Variants in NLGN1 observed in about 807,000 individuals in gnomAD.
The protein encoded by NLGN1 is neuroligin 1.
NLGN1 carries 12 observed loss-of-function variants against 65.5 expected under a neutral mutation model. That is an observed-to-expected ratio of 0.18 (90% CI 0.12 to 0.30). The LOEUF (loss-of-function observed/expected upper bound fraction) is 0.30, where lower values mean the gene tolerates loss of function less well. Ranked by LOEUF, NLGN1 falls within the 10% of genes least tolerant of loss-of-function variation. The probability of loss-of-function intolerance (pLI) is 1.00; values close to 1 mark genes in which losing one functional copy is unlikely to be tolerated. For synonymous variants in NLGN1, 350 were observed against 359.5 expected (o/e 0.97, Z 0.30); for missense variants, 750 against 1,007.1 (o/e 0.74, Z 3.46).
At chr3:174,224,647 C>T (rs1577439986) in intron 4 of NLGN1, among the ~76,000 whole-genome samples, 1 of 152,072 alleles carries the variant, frequency 6.6e-6, no homozygotes, top group African/African-American at 2.4e-5. Context: ...TGCAGTGAGC[C>T]GAGATTGTGC....
intron 4 of NLGN1, among the ~76,000 whole-genome samples, chr3:174,134,763 A>T (rs1720898541): frequency 6.6e-6 from 1 of 152,206 alleles, no homozygotes; most frequent in Admixed American, 6.6e-5. Context: ...TAAGGACTGG[A>T]TCAATTTCTC....
chr3:174,050,594 T>G (rs1017930507), intron 4 of NLGN1, among the ~76,000 whole-genome samples: 2 of 152,054 alleles, frequency 1.3e-5, no homozygotes, highest in African/African-American at 4.8e-5. Context: ...TTTTGACAAC[T>G]AATGCCGTGG....
intron 2 of NLGN1, among the ~76,000 whole-genome samples, chr3:173,549,938 A>G (rs949608335): frequency 4.6e-5 from 7 of 152,088 alleles, no homozygotes; most frequent in African/African-American, 1.7e-4. Flanking sequence ...CTTCTACTTC[A>G]GTGATGAATT....
chr3:173,428,442 T>A (rs1418177699), intron 1 of NLGN1, among the ~76,000 whole-genome samples: 2 of 151,982 alleles, frequency 1.3e-5, no homozygotes, highest in Non-Finnish European at 2.9e-5. Context: ...TTTTAACATA[T>A]CTGTATTTTT....
intron 4 of NLGN1, among the ~76,000 whole-genome samples, chr3:174,255,372 C>A (rs1179821466): frequency 1.4e-5 from 2 of 142,920 alleles, no homozygotes; most frequent in African/African-American, 5.3e-5. Context: ...GGAGGCGGAG[C>A]TTGCAGTGAG....
chr3:173,559,886 A>G (rs1308050229), intron 2 of NLGN1, among the ~76,000 whole-genome samples: 2 of 152,050 alleles, frequency 1.3e-5, no homozygotes, highest in Non-Finnish European at 2.9e-5. Flanking sequence ...TTAATGAAAA[A>G]CACTAATGTA....
chr3:174,257,380 A>C (rs1745991489), intron 4 of NLGN1, among the ~76,000 whole-genome samples: 1 of 152,210 alleles, frequency 6.6e-6, no homozygotes, highest in Admixed American at 6.5e-5. Context: ...CAGAAATACC[A>C]TGTGACCCAA....
In NLGN1 at chr3:174,128,551, G is replaced by A. The variant is rs1030968612; in HGVS notation, c.647-146764G>A. Among the ~76,000 whole-genome samples, 8 of 152,198 alleles carry A rather than the reference G, an allele frequency of 5.3e-5. No homozygotes were observed. The East Asian group carries it at 1.2e-3, about 22-fold the overall frequency. On this transcript the variant is annotated intron_variant, in intron 4 of 6. Transcript: ENST00000457714. Reference sequence around the variant, plus strand: ...TATCCAGTCTCTTTACTGCTGTTCTGATTGAATGGCGATTATTTACTGACC... The same window carrying A: ...TATCCAGTCTCTTTACTGCTGTTCTAATTGAATGGCGATTATTTACTGACC...
intron 4 of NLGN1, among the ~76,000 whole-genome samples, chr3:173,874,820 A>G (rs939991927): frequency 3.9e-5 from 6 of 152,132 alleles, no homozygotes; most frequent in Admixed American, 3.3e-4. Context: ...TCTATCTCTT[A>G]ATCATTTCTC....
chr3:174,099,750 A>G (rs1711964152), intron 4 of NLGN1, among the ~76,000 whole-genome samples: 1 of 152,226 alleles, frequency 6.6e-6, no homozygotes, highest in Non-Finnish European at 1.5e-5. Context: ...AAAGTTCAAA[A>G]GAATGCAGTA....
At chr3:173,832,126 TAAA>T (rs35612566) in intron 4 of NLGN1, among the ~76,000 whole-genome samples, 1,573 of 147,594 alleles carry the variant, frequency 0.011, 37 homozygotes, top group African/African-American at 0.037. Context: ...CCAGCTAAAT[TAAA>T]AAAAAAAAAA....
chr3:173,956,280 T>C (rs1482497561), intron 4 of NLGN1, among the ~76,000 whole-genome samples: 1 of 152,128 alleles, frequency 6.6e-6, no homozygotes, highest in Admixed American at 6.5e-5. Context: ...TACAATATTA[T>C]ATAACCAAAG....
chr3:173,722,369 A>T (rs557546981), intron 3 of NLGN1, among the ~76,000 whole-genome samples: 1 of 150,320 alleles, frequency 6.7e-6, no homozygotes, highest in South Asian at 2.1e-4. Flanking sequence ...CAGTCTCCAG[A>T]GTAGCTGGGA....
chr3:173,627,981 T>A (rs1755073975), intron 3 of NLGN1, among the ~76,000 whole-genome samples: 1 of 152,138 alleles, frequency 6.6e-6, no homozygotes, highest in South Asian at 2.1e-4. Flanking sequence ...ACTGAACTTC[T>A]CTCCTTTGTA....
intron 4 of NLGN1, among the ~76,000 whole-genome samples, chr3:174,234,848 A>C (rs1741379958): frequency 1.3e-5 from 2 of 152,184 alleles, no homozygotes; most frequent in South Asian, 2.1e-4. Flanking sequence ...AAAATTATAT[A>C]GTTTATAACC....
intron 4 of NLGN1, among the ~76,000 whole-genome samples, chr3:173,941,961 CT>C (rs1279985114): frequency 2.6e-5 from 4 of 151,816 alleles, no homozygotes; most frequent in Non-Finnish European, 5.9e-5. Context: ...TCCACAGATG[CT>C]ATGGGGCACT....
intron 3 of NLGN1, among the ~76,000 whole-genome samples, chr3:173,628,457 A>G (rs894475866): frequency 2.0e-5 from 3 of 152,190 alleles, no homozygotes; most frequent in African/African-American, 4.8e-5. Context: ...AAAGAAGTCA[A>G]TGTAAATATG....
At chr3:173,589,501 T>TTTTA (rs202152546) in intron 2 of NLGN1, among the ~76,000 whole-genome samples, 1,585 of 152,302 alleles carry the variant, frequency 0.01, 37 homozygotes, top group African/African-American at 0.036. Flanking sequence ...GCTTGCTTAC[T>TTTTA]TTTATTTATT....
At chr3:173,496,717 A>G (rs1391003008) in intron 2 of NLGN1, among the ~76,000 whole-genome samples, 1 of 152,046 alleles carries the variant, frequency 6.6e-6, no homozygotes, top group East Asian at 1.9e-4. Context: ...AGAATATAGA[A>G]AAATAGATGG....
Sources: allele counts gnomAD v4.1 joint callset (sites outside exome capture counted in the v4.1 genomes callset), GRCh38; gene constraint gnomAD v4.1.1; transcripts MANE v1.5; gene names NCBI Gene and HGNC (gene_info 2026-07-23, HGNC 2026-07-21).